Variants in IGF2 observed in about 807,000 individuals in gnomAD.
IGF2 encodes insulin like growth factor 2.
IGF2 carries 2 observed loss-of-function variants against 12.0 expected under a neutral mutation model. That is an observed-to-expected ratio of 0.17 (90% CI 0.07 to 0.52). IGF2 has a LOEUF of 0.52. IGF2 is among the 20% of genes least tolerant of loss of function. IGF2 has a pLI of 0.95. For missense variants in IGF2, 211 were observed against 268.0 expected (o/e 0.79, Z 1.48); for synonymous variants, 105 against 110.1 (o/e 0.95, Z 0.29).
chr11:2,138,388 TGGGGG>T lies in IGF2; in HGVS notation c.-171_-167del. ...GCAGAGCGGGGGGATGGCTTTTTTT[TGGGGG>T]GGGGGGGAGAATTCGTCTGATTGTC... is the stretch of plus-strand genomic sequence containing the variant. On this transcript the variant is annotated 5_prime_UTR_variant, in exon 1 of 4. Transcript: ENST00000416167. The T allele has an allele frequency of 3.1e-5, 4 of 128,474 alleles. No individual in the cohort carries two copies. Among genetic ancestry groups the T allele is most frequent in the Non-Finnish European group, 3.2e-5 (3 of 93,406 alleles). The allele number at this position is 128,474 out of a possible 1,614,324, so 8.0% of individuals were successfully genotyped here.
At chr11:2,146,716 A>G in the IGF2 span, 1 of 281,684 alleles carries the variant, frequency 3.6e-6, no homozygotes, top group South Asian at 3.1e-5. Flanking sequence ...CAGCCTGAAG[A>G]GTCACCTGCT....
chr11:2,140,504 C>G, upstream of IGF2: 1 of 573,328 alleles, frequency 1.7e-6, no homozygotes, highest in Non-Finnish European at 3.1e-6. Flanking sequence ...GCGCGCCTCC[C>G]GGCGGAGTCC....
upstream of IGF2, chr11:2,140,727 C>A (rs774564883): frequency 5.1e-6 from 2 of 393,596 alleles, no homozygotes; most frequent in Admixed American, 3.5e-5. Context: ...AGCCGTGTCC[C>A]GCGCCCCACG....
chr11:2,133,382 G>T lies in IGF2; in HGVS notation c.306+135C>A. On this transcript the variant is annotated intron_variant, in intron 3 of 3. Transcript: ENST00000416167. The surrounding 1 kb of genome is among the most constrained non-coding windows in gnomAD (Gnocchi z 8.9). ...AGGAGCCAGCGTCTGAGCTGCTCCC[G>T]GGCCACACAGCAAGCAAGGAAGTCA... The T allele has an allele frequency of 9.0e-7, 1 of 1,105,052 alleles. No individual in the cohort carries two copies. 68.5% of individuals were successfully genotyped at this position (1,105,052 alleles called of 1,614,324 possible).
intron 2 of IGF2, chr11:2,134,034 G>T (rs745625790): frequency 4.8e-6 from 2 of 417,790 alleles, no homozygotes; most frequent in South Asian, 2.2e-5. Flanking sequence ...CCACAGGAGG[G>T]ACTGCTGTCC....
chr11:2,144,098 T>G (rs76460217), upstream of IGF2, among the ~76,000 whole-genome samples: 2 of 152,156 alleles, frequency 1.3e-5, no homozygotes, highest in African/African-American at 4.8e-5. Flanking sequence ...ATTTTTTTTT[T>G]TCTTTGCCTT....
At chr11:2,146,344 C>T in the IGF2 span, 1 of 535,866 alleles carries the variant, frequency 1.9e-6, no homozygotes, top group Non-Finnish European at 3.8e-6. Context: ...GCCCCTCCGT[C>T]ACCCCCTGCA....
At chr11:2,140,309 T>A (rs1859474271), upstream of IGF2, 1 of 1,609,008 alleles carries the variant, frequency 6.2e-7, no homozygotes, top group Non-Finnish European at 8.5e-7. Context: ...CCTGGAGAGT[T>A]TGAACGATGT....
chr11:2,140,768 C>T, upstream of IGF2: 1 of 320,520 alleles, frequency 3.1e-6, no homozygotes, highest in Non-Finnish European at 5.9e-6. Flanking sequence ...CGGAGACGAG[C>T]GCCAGCACCG....
At chr11:2,142,368 A>G (rs1360577441), upstream of IGF2, among the ~76,000 whole-genome samples, 3 of 152,188 alleles carry the variant, frequency 2.0e-5, no homozygotes, top group East Asian at 3.8e-4. This position sits in a 1 kb window ranked among gnomAD's most constrained non-coding sequence, Gnocchi z 5.7. Flanking sequence ...TTGGGGGTCC[A>G]TATGTACATT....
At chr11:2,140,322 G>GA (rs1193238151), upstream of IGF2, 1 of 1,600,410 alleles carries the variant, frequency 6.2e-7, no homozygotes, top group Admixed American at 1.7e-5. Context: ...AACGATGTAA[G>GA]AAAGCACTGT....
the IGF2 span, chr11:2,147,752 G>T: frequency 8.0e-7 from 1 of 1,249,072 alleles, no homozygotes; most frequent in Non-Finnish European, 1.0e-6. This position sits in a 1 kb window ranked among gnomAD's most constrained non-coding sequence, Gnocchi z 7.2. Context: ...GAGCCCTGGG[G>T]CTGGGGGCTG....
chr11:2,140,972 C>T (rs766658545), upstream of IGF2: 3 of 291,744 alleles, frequency 1.0e-5, no homozygotes, highest in South Asian at 7.8e-5. Context: ...GGGGCCAGTC[C>T]TCAGTGTCCG....
chr11:2,140,220 T>C (rs376196753), upstream of IGF2: 47 of 1,613,106 alleles, frequency 2.9e-5, no homozygotes, highest in Non-Finnish European at 3.8e-5. Flanking sequence ...TACCCCGTCC[T>C]CAGTGCGTTG....
At chr11:2,134,837 C>A (rs1858883352) in intron 2 of IGF2, among the ~76,000 whole-genome samples, 1 of 152,198 alleles carries the variant, frequency 6.6e-6, no homozygotes, top group South Asian at 2.1e-4. Flanking sequence ...GGTGGGCACC[C>A]CCCACGGCAG....
Position 2,131,149 on chromosome 11 carries a change from T to C in IGF2, c.*1838A>G, listed in dbSNP as rs1590109429. 1.7e-5 allele frequency: 4 copies of C among 233,068 alleles called. No individual in the cohort carries two copies. In the East Asian group the frequency reaches 2.4e-4, roughly 14 times the overall value. The allele number at this position is 233,068 out of a possible 1,614,324, so 14.4% of individuals were successfully genotyped here. On this transcript the variant is annotated 3_prime_UTR_variant, in exon 4 of 4. Transcript: ENST00000416167. ...GGCCAGCCTCACAAGGGCATCTCTG[T>C]CATGGTGGAAAGATGGAATTAGGCC...
chr11:2,131,804 G>T lies in IGF2; in HGVS notation c.*1183C>A. On this transcript the variant is annotated 3_prime_UTR_variant, in exon 4 of 4. Coordinates refer to ENST00000416167, the MANE Select transcript of IGF2 (RefSeq NM_000612.6). ...TGTGCTGTGTGCTAGTGTGTGTGCT[G>T]TGTGTGCATGTGTGTGCGTGTGCTG... 1 of 189,734 alleles carries T rather than the reference G, an allele frequency of 5.3e-6. No homozygotes were observed. The allele number at this position is 189,734 out of a possible 1,614,324, so 11.8% of individuals were successfully genotyped here. A position where few individuals can be genotyped will look rare whatever the true frequency, so the allele number is the denominator to read the frequency against.
In IGF2 at chr11:2,135,381, C is replaced by T. The variant is rs778465733; in HGVS notation, c.143G>A (p.Arg48His). The T allele has an allele frequency of 6.2e-7, 1 of 1,612,320 alleles. No homozygotes were observed. Residue 48 changes from arginine to histidine, a missense_variant, in exon 2 of 4, where the codon CGC becomes CAC. Arg to His is a conservative substitution (Grantham distance 29, BLOSUM62 0). Around this residue, in one of 3 missense-constraint regions of IGF2, gnomAD observed 30 missense variants for 79.2 expected, o/e 0.38. Transcript: ENST00000416167. Reference sequence around the variant, plus strand: ...CAGCTACTTACTGAAGTAGAAGCCGCGGTCCCCACAGACGAACTGGAGGGT... The same window carrying T: ...CAGCTACTTACTGAAGTAGAAGCCGTGGTCCCCACAGACGAACTGGAGGGT... ...VDTLQFVCGD[R>H]GFYFSRPASR...
At position 2,133,202 on chromosome 11, in the gene IGF2, C is replaced by A. The variant is rs376878619; in HGVS notation, c.328G>T (p.Val110Leu). 1 of 1,561,194 alleles carries A rather than the reference C, an allele frequency of 6.4e-7. No individual in the cohort carries two copies. Among genetic ancestry groups the A allele is most frequent in the Non-Finnish European group, 8.7e-7 (1 of 1,151,414 alleles). ...GTGTCATATTGGAAGAACTTGCCCA[C>A]GGGGTATCTGGGGAAGTTGTCCTGG... ...VLPDNFPRYPVGKFFQYDTWK... is the reference protein window; with the variant it reads ...VLPDNFPRYPLGKFFQYDTWK... The change falls in exon 4 of 4, where the codon GTG (valine) becomes TTG (leucine). Residue 110 changes from valine to leucine, a missense_variant. Coordinates refer to ENST00000416167, the MANE Select transcript of IGF2 (RefSeq NM_000612.6). The surrounding 1 kb of genome is among the most constrained non-coding windows in gnomAD (Gnocchi z 8.9).
Sources: allele counts gnomAD v4.1 joint callset (sites outside exome capture counted in the v4.1 genomes callset), GRCh38; gene constraint gnomAD v4.1.1; regional missense constraint gnomAD v4.1.1; non-coding constraint Gnocchi (gnomAD v3.1); transcripts MANE v1.5; gene names NCBI Gene and HGNC (gene_info 2026-07-23, HGNC 2026-07-21).